The following ME1 variants were observed in gnomAD, a reference collection of about 807,000 sequenced individuals.
ME1 encodes the protein malic enzyme 1, also known as NADP-dependent malic enzyme.
A neutral mutation model predicts 66.4 loss-of-function variants in ME1; 74 were observed. The ratio of observed to expected loss-of-function variants is 1.11; its 90% CI spans 0.92 to 1.35. The LOEUF (loss-of-function observed/expected upper bound fraction) is 1.35. Ranked by LOEUF, ME1 falls within the 40% of genes most tolerant of loss-of-function variation. ME1 has a pLI of 0.00. For missense variants in ME1, 750 were observed against 694.1 expected, an observed-to-expected ratio of 1.08 and a Z score of -0.90; for synonymous variants, 251 against 235.6, an observed-to-expected ratio of 1.07 and a Z score of -0.60.
At chr6:83,229,064 C>T (rs1419147546) in intron 9 of ME1, 133 bp from the exon 10 acceptor site, 3 of 647,638 alleles carry the variant, frequency 4.6e-6, no homozygotes. Flanking sequence ...CTTAAAATCT[C>T]TTCTTCAATT....
chr6:83,390,439 C>T (rs150927338), intron 3 of ME1, among the ~76,000 whole-genome samples: 1 of 152,262 alleles, frequency 6.6e-6, no homozygotes, highest in Non-Finnish European at 1.5e-5. Flanking sequence ...CATCTATATG[C>T]TAATGGAAGA....
At chr6:83,347,880 T>A (rs990641975) in intron 4 of ME1, among the ~76,000 whole-genome samples, 4 of 152,168 alleles carry the variant, frequency 2.6e-5, no homozygotes, top group Non-Finnish European at 5.9e-5. Context: ...CTGAAATAAT[T>A]TGCCTAAAGT....
intron 5 of ME1, among the ~76,000 whole-genome samples, chr6:83,332,714 A>G (rs1768438676): frequency 6.6e-6 from 1 of 152,300 alleles, no homozygotes; most frequent in African/African-American, 2.4e-5. Context: ...ATGGGTACAT[A>G]GGAGTATACA....
chr6:83,352,118 G>T lies in ME1; in HGVS notation c.384C>A (p.His128Gln). The T allele has an allele frequency of 6.4e-7, 1 of 1,559,572 alleles. No homozygotes were observed. Among genetic ancestry groups the T allele is most frequent in the Non-Finnish European group, 8.7e-7 (1 of 1,146,872 alleles). Residue 128 changes from histidine to glutamine, a missense_variant, in exon 4 of 14, where the codon CAC (histidine) becomes CAA (glutamine). Physicochemically the swap from His to Gln is conservative, Grantham distance 24. Transcript: ENST00000369705. ...GAACTGAAGCAATATGCCCTCGATC[G>T]TGGATAGTAATAAAGAGACCTCTGC... The part of the protein sequence containing the change: ...RKPRGLFITI[H>Q]DRGHIASVLN...
intron 5 of ME1, among the ~76,000 whole-genome samples, chr6:83,318,593 C>T (rs1345171629): frequency 1.6e-5 from 1 of 60,946 alleles, no homozygotes; most frequent in Non-Finnish European, 3.5e-5. Context: ...CAAATCAAAA[C>T]CACAATGAGA....
chr6:83,248,533 G>A (rs779287941), intron 7 of ME1, among the ~76,000 whole-genome samples: 3 of 152,144 alleles, frequency 2.0e-5, no homozygotes, highest in Non-Finnish European at 4.4e-5. Context: ...ATCTCAAGTT[G>A]TAATCTCCAC....
intron 6 of ME1, among the ~76,000 whole-genome samples, chr6:83,312,930 AT>A (rs1192129091): frequency 6.6e-6 from 1 of 151,864 alleles, no homozygotes. Flanking sequence ...ATGTTTTTGT[AT>A]TTTTTAGTAG....
intron 6 of ME1, among the ~76,000 whole-genome samples, chr6:83,282,971 G>A (rs1767327671): frequency 6.6e-6 from 1 of 151,700 alleles, no homozygotes; most frequent in South Asian, 2.1e-4. Flanking sequence ...GCTCAAGCCT[G>A]TAATCCCAGC....
At chr6:83,230,513 C>G (rs1412879345) in intron 9 of ME1, among the ~76,000 whole-genome samples, 2 of 152,118 alleles carry the variant, frequency 1.3e-5, no homozygotes, top group African/African-American at 4.8e-5. Context: ...ATGTAAAACA[C>G]TCAGGACTGT....
chr6:83,287,283 T>C (rs189780924), intron 6 of ME1, among the ~76,000 whole-genome samples: 8 of 152,230 alleles, frequency 5.3e-5, no homozygotes, highest in Non-Finnish European at 1.2e-4. Flanking sequence ...TAGGTATTTC[T>C]CCTAATGTTA....
intron 3 of ME1, among the ~76,000 whole-genome samples, chr6:83,392,260 C>T (rs1169016720): frequency 1.4e-5 from 2 of 142,268 alleles, no homozygotes; most frequent in Non-Finnish European, 3.0e-5. Flanking sequence ...CTGGTTAAGT[C>T]GATATTGTCG....
chr6:83,306,200 T>C (rs952612649), intron 6 of ME1, among the ~76,000 whole-genome samples: 11 of 152,034 alleles, frequency 7.2e-5, no homozygotes, highest in Non-Finnish European at 1.3e-4. Context: ...ATTTATTATA[T>C]GTGGGACTAT....
In ME1 at chr6:83,325,239, T is replaced by G. The variant is rs565819311; in HGVS notation, c.601-9826A>C. On this transcript the variant is annotated intron_variant, in intron 5 of 13. Transcript: ENST00000369705. The stretch of plus-strand genomic sequence containing the variant: ...TCAAAATAATAAGAGCTATTTATGC[T>G]AAACCCACAGCCAATATCATACTGA... Among the ~76,000 whole-genome samples the G allele has an allele frequency of 4.6e-5, 7 of 152,154 alleles. 1 individual carries two copies. The South Asian group carries it at 1.5e-3, about 32-fold the overall frequency.
chr6:83,361,757 G>C (rs1365703833), intron 3 of ME1, among the ~76,000 whole-genome samples: 1 of 152,192 alleles, frequency 6.6e-6, no homozygotes, highest in African/African-American at 2.4e-5. Context: ...GACCTGAACT[G>C]CCTGTCATGA....
intron 6 of ME1, among the ~76,000 whole-genome samples, chr6:83,299,333 C>G (rs1767668234): frequency 1.3e-5 from 2 of 152,016 alleles, no homozygotes; most frequent in South Asian, 4.1e-4. Flanking sequence ...TCCTTGCTAG[C>G]TGTATTCCTA....
chr6:83,256,730 A>T (rs1056867996), intron 6 of ME1, among the ~76,000 whole-genome samples: 1 of 152,178 alleles, frequency 6.6e-6, no homozygotes, highest in African/African-American at 2.4e-5. Flanking sequence ...TACTATAAAG[A>T]CACACGCACA....
At chr6:83,297,624 G>A (rs963897101) in intron 6 of ME1, among the ~76,000 whole-genome samples, 10 of 151,836 alleles carry the variant, frequency 6.6e-5, no homozygotes, top group Non-Finnish European at 1.3e-4. Context: ...TACATGTGAG[G>A]GATGTGCAGG....
At chr6:83,343,463 T>C (rs1768628438) in intron 5 of ME1, among the ~76,000 whole-genome samples, 1 of 152,216 alleles carries the variant, frequency 6.6e-6, no homozygotes, top group South Asian at 2.1e-4. Context: ...ATTCACTTAA[T>C]TTTCTGCCCT....
intron 7 of ME1, among the ~76,000 whole-genome samples, chr6:83,244,829 C>T (rs1455071310): frequency 6.6e-6 from 1 of 151,848 alleles, no homozygotes; most frequent in Admixed American, 6.6e-5. Flanking sequence ...TGTTATAACA[C>T]ATTTTTGTTA....
Sources: gnomAD v4.1 joint callset for allele counts (sites outside exome capture counted in the v4.1 genomes callset) on GRCh38, gnomAD v4.1.1 for gene constraint, MANE v1.5 for transcripts, NCBI Gene and HGNC (gene_info 2026-07-23, HGNC 2026-07-21) for gene names.